Variants in SBSPON observed in about 807,000 individuals in gnomAD.
The protein encoded by SBSPON is somatomedin-B and thrombospondin type-1 domain-containing protein.
A neutral mutation model predicts 35.8 loss-of-function variants in SBSPON; 30 were observed. The ratio of observed to expected loss-of-function variants is 0.84; its 90% CI spans 0.63 to 1.14. SBSPON has a LOEUF of 1.14. Ranked by LOEUF, SBSPON falls within the 50% of genes most tolerant of loss-of-function variation. The probability of loss-of-function intolerance (pLI) is 0.00; values close to 1 mark genes in which losing one functional copy is unlikely to be tolerated. For synonymous variants in SBSPON, 136 were observed against 135.9 expected (o/e 1.00, Z 0.00); for missense variants, 364 against 357.7 (o/e 1.02, Z -0.14).
chr8:73,074,949 G>A (rs933035828), intron 2 of SBSPON, among the ~76,000 whole-genome samples: 9 of 152,232 alleles, frequency 5.9e-5, no homozygotes, highest in African/African-American at 1.4e-4. Context: ...GAGGCTCACC[G>A]AGGTTAAATG....
At position 73,071,805 on chromosome 8, in the gene SBSPON, A is replaced by G; in HGVS notation, c.475T>C (p.Trp159Arg). 1 of 1,605,888 alleles carries G rather than the reference A, an allele frequency of 6.2e-7. No individual in the cohort carries two copies. Among genetic ancestry groups the G allele is most frequent in the African/African-American group, 1.3e-5 (1 of 74,238 alleles). Residue 159 changes from tryptophan (W) to arginine (R), a missense_variant, in exon 3 of 5, where the codon TGG becomes CGG. Transcript: ENST00000297354. The part of the protein sequence containing the change: ...ERTRQATSPH[W>R]STHTEDAGYC... ...CCAGCATCCTCTGTGTGTGTAGACCAGTGTGGAGACGTAGCTTGTCGTGTT... is the reference window on the plus strand; with the variant it reads ...CCAGCATCCTCTGTGTGTGTAGACCGGTGTGGAGACGTAGCTTGTCGTGTT...
intron 2 of SBSPON, among the ~76,000 whole-genome samples, chr8:73,072,854 C>T (rs1810523626): frequency 6.6e-6 from 1 of 152,116 alleles, no homozygotes; most frequent in South Asian, 2.1e-4. Context: ...TCAGTGGTCC[C>T]CTTCTTTTCC....
At chr8:73,090,856 C>T (rs931816928) in intron 1 of SBSPON, among the ~76,000 whole-genome samples, 14 of 152,212 alleles carry the variant, frequency 9.2e-5, no homozygotes, top group South Asian at 4.1e-4. Flanking sequence ...GCCATGTCAC[C>T]GCTTCCATAC....
intron 4 of SBSPON, 95 bp from the exon 5 acceptor site, chr8:73,067,553 T>G (rs1414090941): frequency 1.5e-6 from 1 of 647,038 alleles, no homozygotes; most frequent in Admixed American, 2.1e-5. Context: ...AAAAAACTGA[T>G]CACAGCCTGA....
chr8:73,074,546 T>C (rs1810554915), intron 2 of SBSPON: 1 of 979,080 alleles, frequency 1.0e-6, no homozygotes, highest in African/African-American at 1.8e-5. Flanking sequence ...CCAGGCAACG[T>C]CTCCGAAATC....
intron 3 of SBSPON, among the ~76,000 whole-genome samples, 199 bp from the exon 4 acceptor site, chr8:73,070,180 A>G (rs1354559722): frequency 6.6e-6 from 1 of 152,132 alleles, no homozygotes; most frequent in Non-Finnish European, 1.5e-5. Context: ...TGATAATCAC[A>G]AAGAACCTTT....
intron 2 of SBSPON, among the ~76,000 whole-genome samples, chr8:73,074,310 A>T (rs2129999831): frequency 6.6e-6 from 1 of 152,356 alleles, no homozygotes; most frequent in Non-Finnish European, 1.5e-5. Flanking sequence ...TAAATATATG[A>T]TTCTAGTTTC....
At position 73,067,361 on chromosome 8, in the gene SBSPON, G is replaced by A. The variant is rs550279407; in HGVS notation, c.775C>T (p.His259Tyr). The stretch of plus-strand genomic sequence containing the variant: ...ACCATCTATATAAAAATAAAACTGT[G>A]AACAGCTGGACAAGAACACTGGTCT... Reference protein sequence around the residue: ...RVDQCSCPAVHSFIFI With the variant: ...RVDQCSCPAVYSFIFI Residue 259 changes from histidine to tyrosine, a missense_variant, in exon 5 of 5, where the codon CAC (histidine) becomes TAC (tyrosine). Transcript: ENST00000297354. 1 of 1,593,816 alleles carries A rather than the reference G, an allele frequency of 6.3e-7. No homozygotes were observed. Among genetic ancestry groups the A allele is most frequent in the African/African-American group, 1.3e-5 (1 of 74,414 alleles).
At chr8:73,072,291 GAAAC>G (rs1342917160) in intron 2 of SBSPON, among the ~76,000 whole-genome samples, 1 of 147,484 alleles carries the variant, frequency 6.8e-6, no homozygotes, top group Non-Finnish European at 1.5e-5. Context: ...GAATAGAAAG[GAAAC>G]AAAGAAGGAT....
intron 2 of SBSPON, among the ~76,000 whole-genome samples, 193 bp downstream of exon 2, chr8:73,080,826 G>A (rs150909248): frequency 1.4e-3 from 208 of 152,310 alleles, no homozygotes; most frequent in African/African-American, 4.3e-3. Context: ...GGGAAAGGGA[G>A]GCGTCTGCAC....
At position 73,087,185 on chromosome 8, in the gene SBSPON, CA is replaced by C. The variant is rs1051631336; in HGVS notation, c.214+5668del. On this transcript the variant is annotated intron_variant, in intron 1 of 4. Coordinates refer to ENST00000297354, the MANE Select transcript of SBSPON (RefSeq NM_153225.4). ...CTCATAAGACCTCATTTCTCTGAGG[CA>C]GAAAAACATCATGTTTTGACGTATG... 1.0e-3 allele frequency among the ~76,000 whole-genome samples: 155 copies of C among 152,306 alleles called. 1 individual carries two copies. The highest frequency in any genetic ancestry group is 3.7e-3 in the African/African-American group (153 of 41,548).
chr8:73,083,940 G>A (rs1181899108), intron 1 of SBSPON: 2 of 152,208 alleles, frequency 1.3e-5, no homozygotes, highest in African/African-American at 4.8e-5. Flanking sequence ...TAATATTCAG[G>A]TTGGGTCTCC....
chr8:73,071,704 C>T, intron 3 of SBSPON, 76 bp downstream of exon 3: 1 of 820,550 alleles, frequency 1.2e-6, no homozygotes, highest in East Asian at 2.6e-5. Flanking sequence ...AAACATAAAC[C>T]AAGTTGACCC....
intron 2 of SBSPON, among the ~76,000 whole-genome samples, chr8:73,079,405 T>A (rs1810652769): frequency 6.6e-6 from 1 of 152,122 alleles, no homozygotes; most frequent in Non-Finnish European, 1.5e-5. Flanking sequence ...CATGCAGCCC[T>A]GTCCAAGCAC....
chr8:73,072,625 C>T lies in SBSPON; in HGVS notation c.410-755G>A, dbSNP rs116859926. ...CGGAGGTTTCAGTGAGCCGACATCGCGCCCCTGCACTCCAGCCTGAGCAAA... is the reference window on the plus strand; with the variant it reads ...CGGAGGTTTCAGTGAGCCGACATCGTGCCCCTGCACTCCAGCCTGAGCAAA... On this transcript the variant is annotated intron_variant, in intron 2 of 4. Transcript: ENST00000297354. 1.5e-3 allele frequency among the ~76,000 whole-genome samples: 221 copies of T among 152,312 alleles called. 2 individuals are homozygous for T. In the East Asian group the frequency reaches 0.036, roughly 24 times the overall value.
At chr8:73,076,354 A>T (rs568074197) in intron 2 of SBSPON, among the ~76,000 whole-genome samples, 1 of 152,348 alleles carries the variant, frequency 6.6e-6, no homozygotes, top group South Asian at 2.1e-4. Context: ...AGGTGGAATT[A>T]AGGTTGCTGC....
At chr8:73,091,899 C>T (rs1425255628) in intron 1 of SBSPON, among the ~76,000 whole-genome samples, 1 of 152,170 alleles carries the variant, frequency 6.6e-6, no homozygotes, top group African/African-American at 2.4e-5. Context: ...GGCATAGCCC[C>T]AGAAAATGCT....
intron 3 of SBSPON, 27 bp downstream of exon 3, chr8:73,071,753 T>TTAA: frequency 7.8e-7 from 1 of 1,286,936 alleles, no homozygotes; most frequent in East Asian, 2.5e-5. Context: ...AAAACATGAT[T>TTAA]AAAAAAAAAA....
rs1346401054 is a variant in SBSPON at position 73,065,815 on chromosome 8, C to G, written c.*1526G>C. ...AACTTTTAAGTAACATTGGAAATTA[C>G]CCAGACATAGCTTCAAAAATCTAGC... On this transcript the variant is annotated 3_prime_UTR_variant, in exon 5 of 5. Coordinates refer to ENST00000297354, the MANE Select transcript of SBSPON (RefSeq NM_153225.4). The G allele has an allele frequency of 6.6e-6, 1 of 152,006 alleles. No homozygotes were observed. The highest frequency in any genetic ancestry group is 1.9e-4 in the East Asian group (1 of 5,190). 9.4% of individuals were successfully genotyped at this position (152,006 alleles called of 1,614,324 possible).
Sources: allele counts gnomAD v4.1 joint callset (sites outside exome capture counted in the v4.1 genomes callset), GRCh38; gene constraint gnomAD v4.1.1; transcripts MANE v1.5; gene names NCBI Gene and HGNC (gene_info 2026-07-23, HGNC 2026-07-21).